MINDY2: variants seen among roughly 807,000 people sequenced by gnomAD.
MINDY2 encodes the protein ubiquitin carboxyl-terminal hydrolase MINDY-2.
In MINDY2, 52 loss-of-function variants were observed where a neutral mutation model predicts 68.2. The observed-to-expected ratio is 0.76, with a 90% CI of 0.61 to 0.96. MINDY2 has a LOEUF of 0.96. Ranked by LOEUF, MINDY2 falls within the 40% of genes least tolerant of loss-of-function variation. MINDY2 has a pLI of 0.00. For missense variants in MINDY2, 881 were observed against 773.4 expected (o/e 1.14, Z -1.65); for synonymous variants, 372 against 303.0 (o/e 1.23, Z -2.36).
intron 2 of MINDY2, among the ~76,000 whole-genome samples, chr15:58,797,041 A>G (rs1399455458): frequency 6.6e-6 from 1 of 152,162 alleles, no homozygotes; most frequent in African/African-American, 2.4e-5. Context: ...TATAGTAGCC[A>G]CTAGGTACAT....
At chr15:58,777,290 A>G (rs566708875) in intron 1 of MINDY2, among the ~76,000 whole-genome samples, 38 of 152,200 alleles carry the variant, frequency 2.5e-4, no homozygotes, top group Non-Finnish European at 4.0e-4. Context: ...TAGAGAATTG[A>G]AAGTGAAAAC....
chr15:58,824,668 T>C (rs1168334278), intron 5 of MINDY2, among the ~76,000 whole-genome samples: 4 of 150,396 alleles, frequency 2.7e-5, no homozygotes, highest in African/African-American at 5.0e-5. Flanking sequence ...TTCATCATAT[T>C]ATCTTTTTTT....
At chr15:58,849,151 A>C (rs1390335675) in intron 7 of MINDY2, among the ~76,000 whole-genome samples, 1 of 151,668 alleles carries the variant, frequency 6.6e-6, no homozygotes, top group Non-Finnish European at 1.5e-5. Context: ...CGGAAGTTGC[A>C]GTGAGCCAAG....
At chr15:58,780,017 C>G (rs1239857657) in intron 1 of MINDY2, among the ~76,000 whole-genome samples, 4 of 152,182 alleles carry the variant, frequency 2.6e-5, no homozygotes, top group African/African-American at 9.7e-5. Context: ...AGATACTGTG[C>G]ATTATTTTAC....
intron 2 of MINDY2, among the ~76,000 whole-genome samples, chr15:58,793,751 G>A (rs754279247): frequency 1.3e-5 from 2 of 152,146 alleles, no homozygotes; most frequent in Non-Finnish European, 2.9e-5. Flanking sequence ...TGGTTGCAGC[G>A]CGTCTCTTGA....
intron 2 of MINDY2, among the ~76,000 whole-genome samples, chr15:58,800,255 T>A (rs138834142): frequency 6.6e-6 from 1 of 152,190 alleles, no homozygotes. Context: ...ATTCTTTCCT[T>A]GAAATTTTTT....
In MINDY2 at chr15:58,836,775, C is replaced by T. The variant is rs561827328; in HGVS notation, c.1368+4859C>T. 7.3e-4 allele frequency among the ~76,000 whole-genome samples: 111 copies of T among 152,140 alleles called. No individual in the cohort carries two copies. The South Asian group carries it at 0.022, about 31-fold the overall frequency. ...CTGGGACTACAGGTGTACACGATCA[C>T]ACCTGGCCAATTTAAAATTTTTTTT... On this transcript the variant is annotated intron_variant, in intron 6 of 8. Coordinates refer to ENST00000559228, the MANE Select transcript of MINDY2 (RefSeq NM_001040450.3).
chr15:58,808,669 A>G (rs772592180), intron 3 of MINDY2, among the ~76,000 whole-genome samples: 68 of 152,264 alleles, frequency 4.5e-4, no homozygotes, highest in South Asian at 6.2e-4. Flanking sequence ...CAGTGGCACA[A>G]TCTTGGCTCA....
intron 5 of MINDY2, among the ~76,000 whole-genome samples, chr15:58,823,714 C>G (rs1367755894): frequency 6.6e-6 from 1 of 151,772 alleles, no homozygotes; most frequent in Non-Finnish European, 1.5e-5. Flanking sequence ...AGTCGTTGAT[C>G]ATTGATTCAT....
At chr15:58,846,137 T>A (rs923608023) in intron 6 of MINDY2, among the ~76,000 whole-genome samples, 1 of 151,688 alleles carries the variant, frequency 6.6e-6, no homozygotes, top group African/African-American at 2.4e-5. Flanking sequence ...GACCTAGCAT[T>A]TGCTAACACA....
chr15:58,846,256 A>G lies in MINDY2; in HGVS notation c.1369-1041A>G, dbSNP rs373508712. 3.0e-3 allele frequency among the ~76,000 whole-genome samples: 457 copies of G among 152,322 alleles called. 1 individual carries two copies. Among genetic ancestry groups the G allele is most frequent in the Non-Finnish European group, 3.6e-3 (243 of 68,040 alleles). On this transcript the variant is annotated intron_variant, in intron 6 of 8. Coordinates refer to ENST00000559228, the MANE Select transcript of MINDY2 (RefSeq NM_001040450.3). ...GTAAATGTTTGAGAGGCTGGATACC[A>G]CATTTACCCTCATGTGATTATTATG...
In MINDY2 at chr15:58,818,766, A is replaced by G. The variant is rs1374548509; in HGVS notation, c.1123-2951A>G. 2.0e-5 allele frequency among the ~76,000 whole-genome samples: 3 copies of G among 150,988 alleles called. No individual in the cohort carries two copies. The South Asian group carries it at 6.3e-4, about 32-fold the overall frequency. ...GTGATCCTCCTGTCTCAGCCTCCCA[A>G]GTAGCTGGGATTACTGGTGCCCACC... On this transcript the variant is annotated intron_variant, in intron 4 of 8. Coordinates refer to ENST00000559228, the MANE Select transcript of MINDY2 (RefSeq NM_001040450.3).
intron 1 of MINDY2, 39 bp downstream of exon 1, chr15:58,772,274 G>A: frequency 6.2e-7 from 1 of 1,601,852 alleles, no homozygotes; most frequent in Non-Finnish European, 8.5e-7. Flanking sequence ...AGCTTTTGGG[G>A]TGGAGGAAAA....
intron 2 of MINDY2, among the ~76,000 whole-genome samples, chr15:58,791,666 G>GTGTGTGTGTA (rs1901947962): frequency 7.1e-6 from 1 of 140,152 alleles, no homozygotes; most frequent in African/African-American, 2.7e-5. Flanking sequence ...GTGTGTATGT[G>GTGTGTGTGTA]TGTGTGTGTA....
intron 2 of MINDY2, among the ~76,000 whole-genome samples, chr15:58,793,948 C>T (rs1026976935): frequency 1.3e-5 from 2 of 152,094 alleles, no homozygotes; most frequent in Non-Finnish European, 2.9e-5. Context: ...AACCAGCCAG[C>T]ATGGTGTTAT....
intron 2 of MINDY2, among the ~76,000 whole-genome samples, chr15:58,800,370 A>G (rs1207486959): frequency 3.3e-5 from 5 of 152,050 alleles, no homozygotes; most frequent in African/African-American, 4.8e-5. Flanking sequence ...TAAAGCATCA[A>G]TTTCATTCTT....
At chr15:58,777,881 T>C (rs1396337222) in intron 1 of MINDY2, among the ~76,000 whole-genome samples, 1 of 152,112 alleles carries the variant, frequency 6.6e-6, no homozygotes, top group Non-Finnish European at 1.5e-5. Context: ...ACCAGGTAAA[T>C]TTATCAAAAT....
intron 3 of MINDY2, among the ~76,000 whole-genome samples, chr15:58,809,207 A>G (rs753755139): frequency 2.6e-5 from 4 of 152,066 alleles, no homozygotes; most frequent in Non-Finnish European, 5.9e-5. Flanking sequence ...GTGAGACCCT[A>G]TATTCATCAA....
intron 3 of MINDY2, among the ~76,000 whole-genome samples, chr15:58,807,353 CTTTT>C (rs58768604): frequency 2.8e-5 from 3 of 109,046 alleles, no homozygotes; most frequent in African/African-American, 3.7e-5. Flanking sequence ...TTAAAATAGT[CTTTT>C]TTTTTTTTTT....
Sources: allele counts gnomAD v4.1 joint callset (sites outside exome capture counted in the v4.1 genomes callset), GRCh38; gene constraint gnomAD v4.1.1; transcripts MANE v1.5; gene names NCBI Gene and HGNC (gene_info 2026-07-23, HGNC 2026-07-21).